DNAH5: variants seen among roughly 807,000 people sequenced by gnomAD.
The protein encoded by DNAH5 is axonemal beta dynein heavy chain 5.
DNAH5 carries 372 observed loss-of-function variants against 518.2 expected under a neutral mutation model. The ratio of observed to expected loss-of-function variants is 0.72; its 90% CI spans 0.66 to 0.78. The LOEUF (loss-of-function observed/expected upper bound fraction) is 0.78, where lower values mean the gene tolerates loss of function less well. Among genes scored for constraint, DNAH5 ranks in the 30% least tolerant of loss-of-function variants. The pLI, the probability that DNAH5 is intolerant of heterozygous loss-of-function variation, is 0.00. For missense variants in DNAH5, 5,523 were observed against 5,687.0 expected, an observed-to-expected ratio of 0.97 and a Z score of 0.93; for synonymous variants, 2,039 against 2,025.9, an observed-to-expected ratio of 1.01 and a Z score of -0.17.
Position 13,893,762 on chromosome 5 carries a change from G to A in DNAH5, c.2431+888C>T, listed in dbSNP as rs76811979. On this transcript the variant is annotated intron_variant, in intron 16 of 78. Transcript: ENST00000265104. ...ATATAAATCCAACAGGAGGTCACAGGAGGAAGCGGTCACAGGAGGTAGAGT... is the reference window on the plus strand; with the variant it reads ...ATATAAATCCAACAGGAGGTCACAGAAGGAAGCGGTCACAGGAGGTAGAGT... Among the ~76,000 whole-genome samples, 1,427 of 152,134 alleles carry A rather than the reference G, an allele frequency of 9.4e-3. 19 individuals carry two copies. Among genetic ancestry groups the A allele is most frequent in the African/African-American group, 0.033 (1,354 of 41,502 alleles).
chr5:14,009,817 G>C (rs111466497), intron 1 of DNAH5, among the ~76,000 whole-genome samples: 2,148 of 152,314 alleles, frequency 0.014, 44 homozygotes, highest in African/African-American at 0.049. Flanking sequence ...ATGTGCCTGA[G>C]TGAACAGAAA....
intron 6 of DNAH5, 67 bp downstream of exon 6, chr5:13,920,413 C>A: frequency 6.3e-7 from 1 of 1,592,460 alleles, no homozygotes; most frequent in East Asian, 2.2e-5. Flanking sequence ...TATGTCAATA[C>A]ACCTTCTTCC....
At chr5:13,850,592 T>C in intron 31 of DNAH5, 60 bp downstream of exon 31, 3 of 1,500,314 alleles carry the variant, frequency 2.0e-6, no homozygotes, top group East Asian at 4.5e-5. Context: ...TGCTATCTAG[T>C]CTCCCTGTAT....
At position 13,871,645 on chromosome 5, in the gene DNAH5, T is replaced by G. The variant is rs375686889; in HGVS notation, c.3517A>C (p.Ile1173Leu). 1.3e-4 allele frequency: 214 copies of G among 1,613,716 alleles called. No homozygotes were observed. Among genetic ancestry groups the G allele is most frequent in the Non-Finnish European group, 1.7e-4 (204 of 1,179,810 alleles). Residue 1173 changes from isoleucine (I) to leucine (L), a missense_variant, in exon 23 of 79, where the codon ATT (isoleucine) becomes CTT (leucine). Ile to Leu is a conservative substitution (Grantham distance 5). Coordinates refer to ENST00000265104, the MANE Select transcript of DNAH5 (RefSeq NM_001369.3). ...TGCTCTAGGTTTTGGAAATAGAGAA[T>G]CTGGGACTCAAATTCAGAAAGCAAG... ...SPLLSEFESQ[I>L]LYFQNLEQEI...
At position 13,923,445 on chromosome 5, in the gene DNAH5, A is replaced by G; in HGVS notation, c.278-5T>C. On this transcript the variant is annotated splice_region_variant and splice_polypyrimidine_tract_variant and intron_variant, in intron 3 of 78. Transcript: ENST00000265104. Reference sequence around the variant, plus strand: ...CTCCTAGAGAGCCAAGTTGTCCTACAAAAGCAAAATAATTTTAGTTTCACA... The same window carrying G: ...CTCCTAGAGAGCCAAGTTGTCCTACGAAAGCAAAATAATTTTAGTTTCACA... 1 of 1,614,040 alleles carries G rather than the reference A, an allele frequency of 6.2e-7. No individual in the cohort carries two copies. The highest frequency in any genetic ancestry group is 1.1e-5 in the South Asian group (1 of 91,082).
intron 29 of DNAH5, chr5:13,860,648 T>G (rs987718595): frequency 6.6e-6 from 1 of 152,218 alleles, no homozygotes; most frequent in African/African-American, 2.4e-5. Flanking sequence ...CTTGGGTCCC[T>G]GATGATGTGG....
chr5:13,733,936 A>G (rs746755855), intron 68 of DNAH5, among the ~76,000 whole-genome samples: 6 of 152,096 alleles, frequency 3.9e-5, no homozygotes, highest in Admixed American at 6.6e-5. Flanking sequence ...TGGTTTAGAA[A>G]GGTATACTAG....
At chr5:13,721,944 A>C (rs39828) in intron 70 of DNAH5, among the ~76,000 whole-genome samples, 1 of 152,068 alleles carries the variant, frequency 6.6e-6, no homozygotes, top group African/African-American at 2.4e-5. Flanking sequence ...GGTATTGTGA[A>C]TATGATCCTT....
At chr5:13,814,102 A>G (rs1580382567) in intron 43 of DNAH5, among the ~76,000 whole-genome samples, 1 of 152,318 alleles carries the variant, frequency 6.6e-6, no homozygotes, top group East Asian at 1.9e-4. Flanking sequence ...ATACCTGATT[A>G]TGAATTGATG....
chr5:13,850,702 C>T lies in DNAH5; in HGVS notation c.5064G>A (p.Leu1688=). 1 of 1,614,116 alleles carries T rather than the reference C, an allele frequency of 6.2e-7. No homozygotes were observed. Among genetic ancestry groups the T allele is most frequent in the Non-Finnish European group, 8.5e-7 (1 of 1,179,984 alleles). ...CCVGDETLGQ[L]LPHLLDQLEI... Reference sequence around the variant, plus strand: ...CCAACTGGTCCAGCAAGTGTGGTAACAGCTGCCCCAGGGTCTCATCTCCAA... The same window carrying T: ...CCAACTGGTCCAGCAAGTGTGGTAATAGCTGCCCCAGGGTCTCATCTCCAA... Residue 1688 remains leucine (L), a synonymous_variant, in exon 31 of 79, where the codon CTG becomes CTA. Coordinates refer to ENST00000265104, the MANE Select transcript of DNAH5 (RefSeq NM_001369.3).
At chr5:13,989,904 C>G (rs565928948) in intron 1 of DNAH5, among the ~76,000 whole-genome samples, 1 of 152,032 alleles carries the variant, frequency 6.6e-6, no homozygotes, top group Non-Finnish European at 1.5e-5. Context: ...TACTCTATAC[C>G]AGGCCCTGTT....
At chr5:13,963,481 G>C (rs1267805444) in intron 1 of DNAH5, among the ~76,000 whole-genome samples, 3 of 151,986 alleles carry the variant, frequency 2.0e-5, no homozygotes, top group Non-Finnish European at 4.4e-5. Flanking sequence ...GGGAGGCTGA[G>C]GCAGGAAGAA....
At chr5:13,931,296 T>C in intron 1 of DNAH5, 52 bp from the exon 2 acceptor site, 2 of 1,609,746 alleles carry the variant, frequency 1.2e-6, no homozygotes, top group East Asian at 4.5e-5. Context: ...CTCAAGTGGA[T>C]TCATTTTGTA....
intron 55 of DNAH5, 127 bp from the exon 56 acceptor site, chr5:13,771,107 T>A: frequency 1.2e-6 from 1 of 801,510 alleles, no homozygotes; most frequent in Non-Finnish European, 2.0e-6. Context: ...CCCAGCTAGG[T>A]AGATCTGTGT....
At position 13,752,213 on chromosome 5, in the gene DNAH5, T is replaced by C; in HGVS notation, c.10949A>G (p.Glu3650Gly). 1.9e-6 allele frequency: 3 copies of C among 1,614,092 alleles called. No homozygotes were observed. The highest frequency in any genetic ancestry group is 2.2e-5 in the South Asian group (2 of 91,084). The change falls in exon 64 of 79, where the codon GAA becomes GGA. Residue 3650 changes from glutamate to glycine, a missense_variant. Transcript: ENST00000265104. ...SLSLGRPLLI[E>G]DVGEELDPAL... ...TGGATCTAGTTCCTCTCCAACATCT[T>C]CAATAAGCAAAGGCCTTCCAAGAGA...
At position 13,752,214 on chromosome 5, in the gene DNAH5, C is replaced by T. The variant is rs371447360; in HGVS notation, c.10948G>A (p.Glu3650Lys). ...SLSLGRPLLI[E>K]DVGEELDPAL... ...GGATCTAGTTCCTCTCCAACATCTT[C>T]AATAAGCAAAGGCCTTCCAAGAGAA... The change falls in exon 64 of 79, where the codon GAA becomes AAA. Residue 3650 changes from glutamate to lysine, a missense_variant. Physicochemically the swap from Glu to Lys is moderately conservative, Grantham distance 56. Coordinates refer to ENST00000265104, the MANE Select transcript of DNAH5 (RefSeq NM_001369.3). 14 of 1,613,892 alleles carry T rather than the reference C, an allele frequency of 8.7e-6. No homozygotes were observed. The African/African-American group carries it at 1.7e-4, about 20-fold the overall frequency.
At chr5:13,847,377 A>C (rs369120746) in intron 31 of DNAH5, among the ~76,000 whole-genome samples, 1 of 152,104 alleles carries the variant, frequency 6.6e-6, no homozygotes, top group Non-Finnish European at 1.5e-5. Flanking sequence ...AAATAATGCC[A>C]AAATGTTGGG....
chr5:13,914,692 T>C, intron 9 of DNAH5, 50 bp from the exon 10 acceptor site: 1 of 1,584,832 alleles, frequency 6.3e-7, no homozygotes, highest in Non-Finnish European at 8.6e-7. Context: ...AGCCATGGAT[T>C]GTAAACTGGA....
At chr5:13,969,550 A>AT (rs1781743668) in intron 1 of DNAH5, among the ~76,000 whole-genome samples, 1 of 152,042 alleles carries the variant, frequency 6.6e-6, no homozygotes, top group Admixed American at 6.6e-5. Flanking sequence ...TTCCATCTTG[A>AT]TTTTATTGTT....
Sources: allele counts gnomAD v4.1 joint callset (sites outside exome capture counted in the v4.1 genomes callset), GRCh38; gene constraint gnomAD v4.1.1; transcripts MANE v1.5; gene names NCBI Gene and HGNC (gene_info 2026-07-23, HGNC 2026-07-21).